The following PLGRKT variants were observed in gnomAD, a reference collection of about 807,000 sequenced individuals.
PLGRKT encodes plasminogen receptor (KT).
In PLGRKT, 22 loss-of-function variants were observed where a neutral mutation model predicts 18.5. That is an observed-to-expected ratio of 1.19 (90% CI 0.85 to 1.70). PLGRKT has a LOEUF of 1.70. Among genes scored for constraint, PLGRKT ranks in the 40% most tolerant of loss-of-function variants. PLGRKT has a pLI of 0.00. For synonymous variants in PLGRKT, 72 were observed against 52.8 expected, an observed-to-expected ratio of 1.36 and a Z score of -1.58; for missense variants, 235 against 174.4, an observed-to-expected ratio of 1.35 and a Z score of -1.96.
intron 2 of PLGRKT, among the ~76,000 whole-genome samples, chr9:5,435,373 A>G (rs1290736398): frequency 6.6e-6 from 1 of 151,372 alleles, no homozygotes; most frequent in East Asian, 1.9e-4. Flanking sequence ...TCAGTAGACC[A>G]GTTATTCTTC....
chr9:5,407,645 A>C (rs565589492), intron 3 of PLGRKT, among the ~76,000 whole-genome samples: 1 of 151,496 alleles, frequency 6.6e-6, no homozygotes, highest in Non-Finnish European at 1.5e-5. Flanking sequence ...TGTTCTTACA[A>C]ATTTTTCAAA....
At chr9:5,424,128 A>G (rs1338655174) in intron 3 of PLGRKT, among the ~76,000 whole-genome samples, 1 of 141,668 alleles carries the variant, frequency 7.1e-6, no homozygotes, top group East Asian at 1.9e-4. Context: ...ATTATAATAT[A>G]TATTACATAT....
At position 5,418,985 on chromosome 9, in the gene PLGRKT, C is replaced by T. The variant is rs188534846; in HGVS notation, c.81+12912G>A. The T allele has an allele frequency of 2.4e-4, 155 of 647,590 alleles. No individual in the cohort carries two copies. The East Asian group carries it at 6.1e-3, about 25-fold the overall frequency. 40.1% of individuals were successfully genotyped at this position (647,590 alleles called of 1,614,324 possible). ...TGGGACAGCGTCTCCATGGTGGACC[C>T]TGAGCAGGAAGGGCAAGGCCAAGGG... On this transcript the variant is annotated intron_variant, in intron 3 of 5. Transcript: ENST00000223864. This position sits in a 1 kb window ranked among gnomAD's most constrained non-coding sequence, Gnocchi z 4.2.
At chr9:5,377,261 G>C (rs1328511162) in intron 3 of PLGRKT, among the ~76,000 whole-genome samples, 1 of 149,576 alleles carries the variant, frequency 6.7e-6, no homozygotes, top group Non-Finnish European at 1.5e-5. Flanking sequence ...AAAAAAAAAA[G>C]ATAGCACAGA....
At chr9:5,375,706 T>C (rs779965787) in intron 3 of PLGRKT, among the ~76,000 whole-genome samples, 25 of 152,190 alleles carry the variant, frequency 1.6e-4, no homozygotes, top group Non-Finnish European at 2.9e-4. Context: ...ATAACCACTG[T>C]TGGTGAGGAT....
At chr9:5,373,808 T>C (rs1817575961) in intron 3 of PLGRKT, among the ~76,000 whole-genome samples, 1 of 151,728 alleles carries the variant, frequency 6.6e-6, no homozygotes, top group African/African-American at 2.4e-5. Context: ...AAAAAAGAAT[T>C]GTCTATGCTT....
intron 3 of PLGRKT, among the ~76,000 whole-genome samples, chr9:5,406,223 C>G (rs562471283): frequency 6.6e-6 from 1 of 152,060 alleles, no homozygotes; most frequent in African/African-American, 2.4e-5. Context: ...GATTTAGAAC[C>G]GAAAATACCA....
Position 5,418,964 on chromosome 9 carries a change from A to G in PLGRKT, c.81+12933T>C. 1 of 722,876 alleles carries G rather than the reference A, an allele frequency of 1.4e-6. No individual in the cohort carries two copies. Among genetic ancestry groups the G allele is most frequent in the African/African-American group, 1.8e-5 (1 of 56,030 alleles). 44.8% of individuals were successfully genotyped at this position (722,876 alleles called of 1,614,324 possible). A position where few individuals can be genotyped will look rare whatever the true frequency, so the allele number is the denominator to read the frequency against. On this transcript the variant is annotated intron_variant, in intron 3 of 5. Transcript: ENST00000223864. The surrounding 1 kb of genome is among the most constrained non-coding windows in gnomAD (Gnocchi z 4.2). ...TCTGACATTCTAGCAGAGTCCTGGG[A>G]CAGCGTCTCCATGGTGGACCCTGAG... is the stretch of plus-strand genomic sequence containing the variant.
intron 1 of PLGRKT, among the ~76,000 whole-genome samples, chr9:5,436,941 C>G (rs1818971897): frequency 6.6e-6 from 1 of 152,086 alleles, no homozygotes; most frequent in Non-Finnish European, 1.5e-5. Context: ...TAAGTTAAGT[C>G]TTTTAAAAAT....
At chr9:5,397,633 G>C (rs552256314) in intron 3 of PLGRKT, among the ~76,000 whole-genome samples, 1 of 151,794 alleles carries the variant, frequency 6.6e-6, no homozygotes, top group Admixed American at 6.6e-5. Context: ...GAAGAGGGGA[G>C]AGAGGGAAGA....
chr9:5,390,340 A>T (rs1181153281), intron 3 of PLGRKT, among the ~76,000 whole-genome samples: 1 of 151,636 alleles, frequency 6.6e-6, no homozygotes, highest in Non-Finnish European at 1.5e-5. Context: ...CTTTTATCAG[A>T]ATTTATCAAG....
At chr9:5,419,196 G>A (rs1312950816) in intron 3 of PLGRKT, among the ~76,000 whole-genome samples, 1 of 152,188 alleles carries the variant, frequency 6.6e-6, no homozygotes, top group Non-Finnish European at 1.5e-5. Flanking sequence ...GGAATACAAG[G>A]CCAGCAGCAA....
intron 3 of PLGRKT, among the ~76,000 whole-genome samples, 181 bp downstream of exon 3, chr9:5,431,716 A>G (rs1400224294): frequency 6.6e-6 from 1 of 152,112 alleles, no homozygotes; most frequent in African/African-American, 2.4e-5. Context: ...ATTTATCTGG[A>G]TTGGAGATTT....
intron 3 of PLGRKT, among the ~76,000 whole-genome samples, chr9:5,390,277 A>C (rs1230791230): frequency 1.3e-5 from 2 of 151,282 alleles, no homozygotes; most frequent in Non-Finnish European, 2.9e-5. Flanking sequence ...CTCCATGTAA[A>C]ATTAGGCCTG....
intron 3 of PLGRKT, among the ~76,000 whole-genome samples, chr9:5,375,304 G>A (rs1260501972): frequency 2.6e-5 from 4 of 152,122 alleles, no homozygotes; most frequent in Non-Finnish European, 4.4e-5. Flanking sequence ...GTTCATTATG[G>A]GCCCCAGGTA....
At chr9:5,394,665 A>C (rs1490928101) in intron 3 of PLGRKT, among the ~76,000 whole-genome samples, 1 of 151,926 alleles carries the variant, frequency 6.6e-6, no homozygotes, top group Non-Finnish European at 1.5e-5. Flanking sequence ...CACCTGCCTC[A>C]GCCTCCCAAA....
At chr9:5,416,150 TTCAC>T (rs986360439) in intron 3 of PLGRKT, among the ~76,000 whole-genome samples, 6 of 152,098 alleles carry the variant, frequency 3.9e-5, no homozygotes, top group Non-Finnish European at 1.5e-5. Context: ...AAAATATGGA[TTCAC>T]TTTTATTCTG....
chr9:5,362,451 G>A (rs1817288408), intron 3 of PLGRKT, among the ~76,000 whole-genome samples: 1 of 152,172 alleles, frequency 6.6e-6, no homozygotes, highest in East Asian at 1.9e-4. Context: ...GCTTTGAACA[G>A]AAGGCAGATG....
intron 3 of PLGRKT, among the ~76,000 whole-genome samples, chr9:5,389,451 AG>A (rs1270358725): frequency 2.0e-5 from 3 of 151,906 alleles, no homozygotes; most frequent in Non-Finnish European, 4.4e-5. Flanking sequence ...GTGCCAGGTC[AG>A]CCCCCACCTG....
Sources: gnomAD v4.1 joint callset for allele counts (sites outside exome capture counted in the v4.1 genomes callset) on GRCh38, gnomAD v4.1.1 for gene constraint, Gnocchi (gnomAD v3.1) non-coding constraint, MANE v1.5 for transcripts, NCBI Gene and HGNC (gene_info 2026-07-23, HGNC 2026-07-21) for gene names.